The following SORCS3 variants were observed in gnomAD, a reference collection of about 807,000 sequenced individuals.
The protein encoded by SORCS3 is VPS10 domain-containing receptor SorCS3.
Under a neutral mutation model 146.3 loss-of-function variants are expected in SORCS3, and 57 were observed. The observed-to-expected ratio is 0.39, with a 90% CI of 0.31 to 0.49. SORCS3 has a LOEUF of 0.49. Ranked by LOEUF, SORCS3 falls within the 20% of genes least tolerant of loss-of-function variation. The pLI is 0.92. For synonymous variants in SORCS3, 653 were observed against 618.5 expected (o/e 1.06, Z -0.83); for missense variants, 1,341 against 1,575.5 (o/e 0.85, Z 2.52).
chr10:104,774,586 TCCCAATTA>T (rs916498227), intron 1 of SORCS3, among the ~76,000 whole-genome samples: 4 of 151,998 alleles, frequency 2.6e-5, no homozygotes, highest in Non-Finnish European at 5.9e-5. Context: ...TGGCCATGAC[TCCCAATTA>T]CCTGACAAGA....
At chr10:104,808,631 T>C (rs2017707142) in intron 1 of SORCS3, among the ~76,000 whole-genome samples, 1 of 152,174 alleles carries the variant, frequency 6.6e-6, no homozygotes, top group Admixed American at 6.5e-5. Flanking sequence ...TGTTTCCATG[T>C]AAATGAGATG....
intron 10 of SORCS3, among the ~76,000 whole-genome samples, chr10:105,158,176 C>A (rs1411927485): frequency 2.0e-5 from 3 of 152,028 alleles, no homozygotes; most frequent in Non-Finnish European, 2.9e-5. Context: ...TTCCTCAAAC[C>A]TTGCCCATGG....
At chr10:105,005,086 T>C (rs922239137) in intron 4 of SORCS3, among the ~76,000 whole-genome samples, 1 of 152,350 alleles carries the variant, frequency 6.6e-6, no homozygotes, top group East Asian at 1.9e-4. Context: ...AGTTTTCATA[T>C]CTGTAAATTA....
intron 6 of SORCS3, among the ~76,000 whole-genome samples, chr10:105,093,416 A>T (rs2133744239): frequency 6.6e-6 from 1 of 152,306 alleles, no homozygotes; most frequent in South Asian, 2.1e-4. Context: ...ATAATTGATA[A>T]ATTGAGCTTC....
chr10:104,954,677 C>T (rs368560278), intron 3 of SORCS3, among the ~76,000 whole-genome samples: 82 of 152,266 alleles, frequency 5.4e-4, no homozygotes, highest in Middle Eastern at 3.4e-3. Flanking sequence ...CTGGGCATCG[C>T]GGAAAGGAAG....
At chr10:105,172,289 A>T (rs903684436) in intron 13 of SORCS3, among the ~76,000 whole-genome samples, 1 of 152,170 alleles carries the variant, frequency 6.6e-6, no homozygotes, top group African/African-American at 2.4e-5. Flanking sequence ...TTGTTCATTT[A>T]TTGCATACAT....
chr10:105,005,933 C>A (rs556163472), intron 4 of SORCS3, among the ~76,000 whole-genome samples: 2 of 152,112 alleles, frequency 1.3e-5, no homozygotes, highest in Admixed American at 6.5e-5. Context: ...TTCCTCCTCT[C>A]GCAGTTTAAT....
chr10:104,699,818 G>T (rs1279846092), intron 1 of SORCS3, among the ~76,000 whole-genome samples: 2 of 152,148 alleles, frequency 1.3e-5, no homozygotes, highest in African/African-American at 2.4e-5. Flanking sequence ...GGAGCTAATA[G>T]ATTTTTTAAA....
chr10:105,120,538 C>T (rs963581911), intron 7 of SORCS3, among the ~76,000 whole-genome samples: 1 of 152,078 alleles, frequency 6.6e-6, no homozygotes, highest in Non-Finnish European at 1.5e-5. Context: ...GCCCATCAAT[C>T]CCTTAAGCAT....
intron 1 of SORCS3, among the ~76,000 whole-genome samples, chr10:104,644,738 G>A (rs887572383): frequency 6.6e-6 from 1 of 152,172 alleles, no homozygotes; most frequent in Non-Finnish European, 1.5e-5. Context: ...TTATTCAGGA[G>A]GCCACCAGTT....
intron 4 of SORCS3, among the ~76,000 whole-genome samples, chr10:104,981,658 C>T (rs1446225255): frequency 6.6e-6 from 1 of 152,146 alleles, no homozygotes; most frequent in Non-Finnish European, 1.5e-5. Flanking sequence ...GTTCTCATTG[C>T]TGTACAGAGC....
At position 104,834,698 on chromosome 10, in the gene SORCS3, AT is replaced by A. The variant is rs149897704; in HGVS notation, c.628-8082del. On this transcript the variant is annotated intron_variant, in intron 1 of 26. Transcript: ENST00000369701. Reference sequence around the variant, plus strand: ...CATTTGACTACTGCATTTGTTACCTATTTTTTTTTTTTCCTCTGCTAGGATA... The same window carrying A: ...CATTTGACTACTGCATTTGTTACCTATTTTTTTTTTTCCTCTGCTAGGATA... Among the ~76,000 whole-genome samples the A allele has an allele frequency of 4.0e-3, 545 of 136,678 alleles. 2 individuals carry two copies. The highest frequency in any genetic ancestry group is 9.4e-3 in the East Asian group (44 of 4,692). The allele number at this position is 136,678 out of a possible 152,430, so 89.7% of individuals were successfully genotyped here.
intron 1 of SORCS3, among the ~76,000 whole-genome samples, chr10:104,779,117 C>A (rs1293016987): frequency 2.0e-5 from 3 of 152,126 alleles, no homozygotes; most frequent in Non-Finnish European, 4.4e-5. Context: ...ATGTCACCAG[C>A]CTCCAGAATT....
At chr10:104,877,754 G>A (rs370492240) in intron 2 of SORCS3, among the ~76,000 whole-genome samples, 49 of 152,260 alleles carry the variant, frequency 3.2e-4, no homozygotes, top group African/African-American at 1.2e-3. Context: ...TCCTGAGAAG[G>A]AGTCAGATAC....
intron 2 of SORCS3, among the ~76,000 whole-genome samples, chr10:104,895,624 T>C (rs1470337588): frequency 1.3e-5 from 2 of 152,196 alleles, no homozygotes; most frequent in African/African-American, 4.8e-5. Context: ...AATATAATGA[T>C]TCCTGCTTCC....
intron 4 of SORCS3, among the ~76,000 whole-genome samples, chr10:105,038,674 C>T (rs184580235): frequency 2.6e-4 from 39 of 152,146 alleles, no homozygotes; most frequent in Non-Finnish European, 3.4e-4. Flanking sequence ...AATTCAGAGG[C>T]GACCACTGCT....
intron 3 of SORCS3, among the ~76,000 whole-genome samples, chr10:104,930,447 G>A (rs1397102502): frequency 1.3e-5 from 2 of 152,236 alleles, no homozygotes; most frequent in East Asian, 1.9e-4. Flanking sequence ...GAATATAGAT[G>A]TGGAAAGGGA....
intron 5 of SORCS3, among the ~76,000 whole-genome samples, chr10:105,055,585 A>G (rs1317280209): frequency 6.6e-6 from 1 of 152,190 alleles, no homozygotes; most frequent in African/African-American, 2.4e-5. Context: ...AATACCAGCT[A>G]TAAAATTAAT....
chr10:104,761,156 G>T (rs2017117243), intron 1 of SORCS3, among the ~76,000 whole-genome samples: 1 of 152,144 alleles, frequency 6.6e-6, no homozygotes, highest in African/African-American at 2.4e-5. Context: ...GATTTCCTGT[G>T]ACCTCCCAAT....
Sources: allele counts gnomAD v4.1 joint callset (sites outside exome capture counted in the v4.1 genomes callset), GRCh38; gene constraint gnomAD v4.1.1; transcripts MANE v1.5; gene names NCBI Gene and HGNC (gene_info 2026-07-23, HGNC 2026-07-21).